The following FARSB variants were observed in gnomAD, a reference collection of about 807,000 sequenced individuals.
FARSB encodes the protein phenylalanyl-tRNA synthetase subunit beta.
In FARSB, 40 loss-of-function variants were observed where a neutral mutation model predicts 69.6. The ratio of observed to expected loss-of-function variants is 0.57; its 90% confidence interval spans 0.45 to 0.75. FARSB has a LOEUF of 0.75. Ranked by LOEUF, FARSB falls within the 30% of genes least tolerant of loss-of-function variation. FARSB has a pLI of 0.00. For synonymous variants in FARSB, 235 were observed against 247.2 expected (o/e 0.95, Z 0.46); for missense variants, 632 against 722.9 (o/e 0.87, Z 1.44).
intron 16 of FARSB, among the ~76,000 whole-genome samples, chr2:222,581,342 T>C (rs1689964567): frequency 1.3e-5 from 2 of 152,092 alleles, no homozygotes; most frequent in African/African-American, 4.8e-5. Context: ...AGGAATAATA[T>C]GGGAGAGAAG....
chr2:222,620,457 C>T (rs1240816897), intron 13 of FARSB, among the ~76,000 whole-genome samples: 2 of 152,164 alleles, frequency 1.3e-5, no homozygotes, highest in Non-Finnish European at 2.9e-5. Context: ...TGAGTACCCA[C>T]CAATCGAAGA....
At chr2:222,643,133 T>C in intron 2 of FARSB, 128 bp from the exon 3 acceptor site, 1 of 517,844 alleles carries the variant, frequency 1.9e-6, no homozygotes, top group South Asian at 3.6e-5. Context: ...CATGGGATTA[T>C]TATATCCACG....
intron 16 of FARSB, among the ~76,000 whole-genome samples, chr2:222,590,061 C>A (rs1205266548): frequency 6.6e-6 from 1 of 152,136 alleles, no homozygotes; most frequent in East Asian, 1.9e-4. Context: ...AAGACACATG[C>A]ACACGTATGT....
chr2:222,614,180 C>G (rs1056703343), intron 14 of FARSB, among the ~76,000 whole-genome samples: 1 of 152,086 alleles, frequency 6.6e-6, no homozygotes, highest in African/African-American at 2.4e-5. Flanking sequence ...AAAAAATAAA[C>G]GAGAAACAAA....
chr2:222,630,972 C>A (rs1691407408), intron 8 of FARSB, among the ~76,000 whole-genome samples: 1 of 152,100 alleles, frequency 6.6e-6, no homozygotes, highest in Non-Finnish European at 1.5e-5. Flanking sequence ...CCTTCTCCTG[C>A]CATTTGAGGT....
At chr2:222,619,067 G>A (rs972732629) in intron 14 of FARSB, among the ~76,000 whole-genome samples, 10 of 151,182 alleles carry the variant, frequency 6.6e-5, no homozygotes, top group African/African-American at 1.5e-4. Flanking sequence ...GCGTGAACCC[G>A]GGAGGCGGAG....
Position 222,569,332 on chromosome 2 carries a change from A to G in FARSB, c.*2539T>C. ...ACAAATGGTTCCACCTACTTCAACA[A>G]GGGCTATCATATGATGATCCATAAG... On this transcript the variant is annotated 3_prime_UTR_variant, in exon 17 of 17. Coordinates refer to ENST00000281828, the MANE Select transcript of FARSB (RefSeq NM_005687.5). 6.6e-6 allele frequency: 1 copy of G among 152,174 alleles called. No individual in the cohort carries two copies. The highest frequency in any genetic ancestry group is 1.9e-4 in the East Asian group (1 of 5,192). 9.4% of individuals were successfully genotyped at this position (152,174 alleles called of 1,614,324 possible).
At chr2:222,614,513 T>C (rs547610995) in intron 14 of FARSB, among the ~76,000 whole-genome samples, 7 of 152,340 alleles carry the variant, frequency 4.6e-5, no homozygotes, top group African/African-American at 1.7e-4. Flanking sequence ...TTTCACAAAG[T>C]AATTGAAATA....
intron 5 of FARSB, among the ~76,000 whole-genome samples, chr2:222,638,244 A>T (rs1434810052): frequency 6.6e-6 from 1 of 152,278 alleles, no homozygotes; most frequent in East Asian, 1.9e-4. Context: ...GACAGAAAAG[A>T]ACTCTGGCAC....
In FARSB at chr2:222,570,873, T is replaced by TTTC. The variant is rs1689705226; in HGVS notation, c.*995_*997dup. Reference sequence around the variant, plus strand: ...CTTTAAAGTATTATATTTTATCATATTTCTTATTACTTCAATAGTACCTGG... The same window carrying TTTC: ...CTTTAAAGTATTATATTTTATCATATTTCTTCTTATTACTTCAATAGTACCTGG... On this transcript the variant is annotated 3_prime_UTR_variant, in exon 17 of 17. Coordinates refer to ENST00000281828, the MANE Select transcript of FARSB (RefSeq NM_005687.5). 2 of 152,300 alleles carry TTTC rather than the reference T, an allele frequency of 1.3e-5. No individual in the cohort carries two copies. The highest frequency in any genetic ancestry group is 4.1e-4 in the South Asian group (2 of 4,824). 9.4% of individuals were successfully genotyped at this position (152,300 alleles called of 1,614,324 possible). A position where few individuals can be genotyped will look rare whatever the true frequency, so the allele number is the denominator to read the frequency against.
intron 15 of FARSB, among the ~76,000 whole-genome samples, chr2:222,603,749 A>G (rs1328292394): frequency 6.7e-6 from 1 of 148,214 alleles, no homozygotes; most frequent in African/African-American, 2.5e-5. Flanking sequence ...TTAATTAATT[A>G]TATTGCTAAT....
At chr2:222,636,133 G>T (rs1303739683) in intron 5 of FARSB, among the ~76,000 whole-genome samples, 1 of 151,202 alleles carries the variant, frequency 6.6e-6, no homozygotes, top group East Asian at 1.9e-4. Flanking sequence ...TAGGCCGCAC[G>T]CGGTGGCTCA....
chr2:222,620,043 T>C (rs1281719042), intron 13 of FARSB, among the ~76,000 whole-genome samples: 1 of 152,190 alleles, frequency 6.6e-6, no homozygotes, highest in African/African-American at 2.4e-5. Context: ...ATTTTTCACA[T>C]GGAGATGGTA....
chr2:222,576,399 A>G (rs1689839249), intron 16 of FARSB, among the ~76,000 whole-genome samples: 1 of 152,130 alleles, frequency 6.6e-6, no homozygotes, highest in Admixed American at 6.5e-5. Context: ...GGGGCAGGGA[A>G]CACTGGAAAA....
intron 13 of FARSB, among the ~76,000 whole-genome samples, chr2:222,620,050 G>A (rs1340676847): frequency 2.6e-5 from 4 of 152,044 alleles, no homozygotes; most frequent in Admixed American, 6.5e-5. Context: ...ACATGGAGAT[G>A]GTATAAACTG....
intron 16 of FARSB, among the ~76,000 whole-genome samples, chr2:222,588,517 T>C (rs1166257297): frequency 6.6e-6 from 1 of 152,104 alleles, no homozygotes; most frequent in Non-Finnish European, 1.5e-5. Flanking sequence ...CCAGGGCAAT[T>C]AGGCAGGAGA....
intron 9 of FARSB, 22 bp downstream of exon 9, chr2:222,630,091 T>C: frequency 6.9e-7 from 1 of 1,451,628 alleles, no homozygotes; most frequent in Non-Finnish European, 9.5e-7. Flanking sequence ...GGGCCATCAA[T>C]AAAGGTGCTG....
intron 15 of FARSB, among the ~76,000 whole-genome samples, chr2:222,600,765 TAAC>T (rs1690536492): frequency 1.3e-5 from 2 of 152,172 alleles, no homozygotes; most frequent in South Asian, 4.1e-4. Flanking sequence ...AAAGTTAGGC[TAAC>T]AATTACCCTA....
chr2:222,624,519 A>AT (rs1559207612), intron 11 of FARSB, 40 bp from the exon 12 acceptor site: 3 of 1,361,242 alleles, frequency 2.2e-6, no homozygotes, highest in Non-Finnish European at 2.1e-6. Flanking sequence ...TCATTGGATT[A>AT]TTTTTTTAAT....
Sources: gnomAD v4.1 joint callset for allele counts (sites outside exome capture counted in the v4.1 genomes callset) on GRCh38, gnomAD v4.1.1 for gene constraint, MANE v1.5 for transcripts, NCBI Gene and HGNC (gene_info 2026-07-23, HGNC 2026-07-21) for gene names.